Variants in CIROZ observed in about 807,000 individuals in gnomAD.
CIROZ encodes the protein ciliated left-right organizer protein containing ZP-N domains.
chr1:10,967,935 C>T, the CIROZ span, among the ~76,000 whole-genome samples: 1 of 152,200 alleles, frequency 6.6e-6, no homozygotes, highest in African/African-American at 2.4e-5. Flanking sequence ...GGTCGCGCCA[C>T]TGCACTCCAG....
the CIROZ span, among the ~76,000 whole-genome samples, chr1:10,963,392 A>AAAAC: frequency 7.0e-3 from 1,064 of 152,208 alleles, 11 homozygotes; most frequent in African/African-American, 0.023. Context: ...CCATCTCAAA[A>AAAAC]AAACAAACAA....
the CIROZ span, chr1:10,958,735 G>C: frequency 1.2e-6 from 2 of 1,614,042 alleles, no homozygotes; most frequent in East Asian, 4.5e-5. Flanking sequence ...CCCTCCACAG[G>C]GGCAGGGGCC....
chr1:10,953,886 T>C, the CIROZ span: 1 of 1,293,538 alleles, frequency 7.7e-7, no homozygotes, highest in South Asian at 1.6e-5. Context: ...TCACTTACCT[T>C]GTAGGTGTGG....
At chr1:10,968,139 ACAAAGTGAGACTCCGTCT>A in the CIROZ span, among the ~76,000 whole-genome samples, 1,465 of 152,312 alleles carry the variant, frequency 9.6e-3, 21 homozygotes, top group African/African-American at 0.034. Flanking sequence ...AGCCTGGGCA[ACAAAGTGAGACTCCGTCT>A]CAATAAATAA....
chr1:10,975,354 G>A, the CIROZ span, among the ~76,000 whole-genome samples: 32 of 146,950 alleles, frequency 2.2e-4, no homozygotes, highest in East Asian at 6.2e-3. Context: ...GTGGTGAGCC[G>A]AAGTTGTGCC....
At chr1:10,948,125 T>TG in the CIROZ span, 1 of 1,613,284 alleles carries the variant, frequency 6.2e-7, no homozygotes, top group Non-Finnish European at 8.5e-7. Flanking sequence ...GCCTCACACT[T>TG]GGGGTGGAGA....
chr1:10,949,933 G>A, the CIROZ span: 9 of 893,378 alleles, frequency 1.0e-5, no homozygotes, highest in Non-Finnish European at 1.5e-5. Flanking sequence ...AGCTTGGGGA[G>A]GTCAGATGCA....
chr1:10,976,457 T>TTC, the CIROZ span, among the ~76,000 whole-genome samples: 2 of 151,892 alleles, frequency 1.3e-5, no homozygotes, highest in Non-Finnish European at 2.9e-5. Flanking sequence ...GTTTAAGCAG[T>TTC]TCTCTGCCTC....
chr1:10,950,646 G>A, the CIROZ span, among the ~76,000 whole-genome samples: 1 of 152,192 alleles, frequency 6.6e-6, no homozygotes, highest in African/African-American at 2.4e-5. Context: ...CCAGATGCTG[G>A]TAGGATCCCC....
the CIROZ span, among the ~76,000 whole-genome samples, chr1:10,951,501 G>A: frequency 6.6e-6 from 1 of 150,836 alleles, no homozygotes; most frequent in South Asian, 2.1e-4. Context: ...AGCCAAGATT[G>A]CGTCATTGCA....
chr1:10,970,134 GAGGAAGGAAGGA>G, the CIROZ span: 4 of 1,414,160 alleles, frequency 2.8e-6, no homozygotes, highest in South Asian at 1.3e-5. Context: ...GGAAGGGAGG[GAGGAAGGAAGGA>G]AGGAAGGAAG....
the CIROZ span, among the ~76,000 whole-genome samples, chr1:10,947,485 C>A: frequency 6.6e-6 from 1 of 152,242 alleles, no homozygotes; most frequent in African/African-American, 2.4e-5. Flanking sequence ...GACTCCCTGG[C>A]CTAGATGCCT....
chr1:10,961,841 G>A, the CIROZ span, among the ~76,000 whole-genome samples: 123 of 152,296 alleles, frequency 8.1e-4, no homozygotes, highest in African/African-American at 2.8e-3. Context: ...GGTGGCGCAT[G>A]CCTGTGATCC....
At chr1:10,972,816 G>A in the CIROZ span, among the ~76,000 whole-genome samples, 1 of 152,094 alleles carries the variant, frequency 6.6e-6, no homozygotes, top group African/African-American at 2.4e-5. Flanking sequence ...GCTGGGTGTG[G>A]TGGCTCATGC....
chr1:10,963,920 G>A, the CIROZ span, among the ~76,000 whole-genome samples: 611 of 152,054 alleles, frequency 4.0e-3, 2 homozygotes, highest in South Asian at 0.013. Flanking sequence ...CATCTCACTC[G>A]TCCTTGCTCA....
the CIROZ span, among the ~76,000 whole-genome samples, chr1:10,955,860 A>G: frequency 2.0e-5 from 3 of 149,740 alleles, no homozygotes; most frequent in African/African-American, 7.6e-5. Flanking sequence ...AAAAAAAAAA[A>G]AAGAAAGAAA....
the CIROZ span, among the ~76,000 whole-genome samples, chr1:10,954,463 A>G: frequency 1.4e-5 from 2 of 141,588 alleles, no homozygotes; most frequent in Non-Finnish European, 3.0e-5. Flanking sequence ...CAAAAAAAAA[A>G]AAAAGAAAAG....
At chr1:10,973,964 C>CCT in the CIROZ span, among the ~76,000 whole-genome samples, 1 of 151,826 alleles carries the variant, frequency 6.6e-6, no homozygotes, top group African/African-American at 2.4e-5. Flanking sequence ...GGACCCCCCC[C>CCT]ACCAAGTCTC....
chr1:10,957,244 A>G, the CIROZ span: 1 of 685,104 alleles, frequency 1.5e-6, no homozygotes, highest in Admixed American at 3.2e-5. Flanking sequence ...AGCCCAGGTC[A>G]GGGATTATGG....
Sources: gnomAD v4.1 joint callset for allele counts (sites outside exome capture counted in the v4.1 genomes callset) on GRCh38, gnomAD v4.1.1 for gene constraint, MANE v1.5 for transcripts, NCBI Gene and HGNC (gene_info 2026-07-23, HGNC 2026-07-21) for gene names.